Variants in ABCD2 observed in about 807,000 individuals in gnomAD.
ABCD2 encodes ATP binding cassette subfamily D member 2, also known as ATP-binding cassette sub-family D member 2.
Under a neutral mutation model 70.9 loss-of-function variants are expected in ABCD2, and 36 were observed. The ratio of observed to expected loss-of-function variants is 0.51; its 90% confidence interval spans 0.39 to 0.67. ABCD2 has a LOEUF of 0.67. Ranked by LOEUF, ABCD2 falls within the 30% of genes least tolerant of loss-of-function variation. ABCD2 has a pLI of 0.00. For missense variants in ABCD2, 729 were observed against 890.2 expected, an observed-to-expected ratio of 0.82 and a Z score of 2.30; for synonymous variants, 304 against 306.9, an observed-to-expected ratio of 0.99 and a Z score of 0.10.
chr12:39,582,601 G>A (rs1941611055), intron 7 of ABCD2, among the ~76,000 whole-genome samples: 1 of 152,098 alleles, frequency 6.6e-6, no homozygotes, highest in Non-Finnish European at 1.5e-5. Context: ...AGATAAACAT[G>A]TAGCATTTAT....
intron 8 of ABCD2, among the ~76,000 whole-genome samples, chr12:39,574,273 T>C (rs1157089829): frequency 6.6e-6 from 1 of 152,146 alleles, no homozygotes; most frequent in South Asian, 2.1e-4. Flanking sequence ...GAAGATTATT[T>C]TATCAGCAAT....
At chr12:39,549,883 G>A (rs896477371), downstream of ABCD2, 1 of 151,732 alleles carries the variant, frequency 6.6e-6, no homozygotes. Context: ...TATTAAATTA[G>A]CATTTTGTTT....
intron 9 of ABCD2, among the ~76,000 whole-genome samples, chr12:39,567,791 T>C (rs1379665710): frequency 6.6e-6 from 1 of 152,348 alleles, no homozygotes; most frequent in Admixed American, 6.5e-5. Context: ...GTTTAGTGCT[T>C]CCTTCAGGAG....
chr12:39,586,800 T>C (rs1294826422), intron 6 of ABCD2, among the ~76,000 whole-genome samples: 5 of 152,228 alleles, frequency 3.3e-5, no homozygotes, highest in Non-Finnish European at 5.9e-5. Flanking sequence ...TGACATATTA[T>C]ACAATTTGGG....
chr12:39,575,703 A>G (rs1322250276), intron 8 of ABCD2, among the ~76,000 whole-genome samples: 1 of 152,192 alleles, frequency 6.6e-6, no homozygotes, highest in Non-Finnish European at 1.5e-5. Flanking sequence ...GCAGTTTCCT[A>G]TTGTTAAACT....
chr12:39,538,790 G>GGGAAGACACCTACCCTGGCC, the ABCD2 span, among the ~76,000 whole-genome samples: 1 of 152,146 alleles, frequency 6.6e-6, no homozygotes, highest in Non-Finnish European at 1.5e-5. Flanking sequence ...GAGAGCCGGC[G>GGGAAGACACCTACCCTGGCC]GGAAGACACC....
intron 2 of ABCD2, among the ~76,000 whole-genome samples, chr12:39,609,971 T>A (rs909891111): frequency 4.6e-5 from 7 of 152,114 alleles, no homozygotes; most frequent in Admixed American, 2.0e-4. Context: ...TAAACAATTA[T>A]GTAGGGAAGC....
At chr12:39,582,987 A>G (rs773620655) in intron 7 of ABCD2, among the ~76,000 whole-genome samples, 3 of 151,960 alleles carry the variant, frequency 2.0e-5, no homozygotes, top group Non-Finnish European at 4.4e-5. Context: ...AGCCTCCCAA[A>G]TAGCTGAGAC....
chr12:39,618,189 A>C (rs1942142936), intron 1 of ABCD2, among the ~76,000 whole-genome samples: 1 of 152,164 alleles, frequency 6.6e-6, no homozygotes, highest in African/African-American at 2.4e-5. Flanking sequence ...TCAGACATGC[A>C]AAATTGTTAA....
Position 39,598,887 on chromosome 12 carries a change from A to G in ABCD2, c.1646+1684T>C, listed in dbSNP as rs190593221. On this transcript the variant is annotated intron_variant, in intron 6 of 9. Coordinates refer to ENST00000308666, the MANE Select transcript of ABCD2 (RefSeq NM_005164.4). ...ACTCTCAGTTTACATATGGATTTAA[A>G]TAAATTCTATGGTTTTTGCAAGGAT... 9.6e-4 allele frequency among the ~76,000 whole-genome samples: 146 copies of G among 152,342 alleles called. 2 individuals are homozygous for G. The highest frequency in any genetic ancestry group is 6.8e-3 in the Middle Eastern group (2 of 294).
At chr12:39,535,829 A>G in the ABCD2 span, among the ~76,000 whole-genome samples, 1 of 152,246 alleles carries the variant, frequency 6.6e-6, no homozygotes. Context: ...TATTGAAAGT[A>G]TAAATTAAAA....
intron 9 of ABCD2, among the ~76,000 whole-genome samples, chr12:39,556,928 A>C (rs983666585): frequency 1.3e-5 from 2 of 151,532 alleles, no homozygotes; most frequent in African/African-American, 4.9e-5. Flanking sequence ...TGTTGCAGTG[A>C]GCCAAGATCA....
intron 8 of ABCD2, among the ~76,000 whole-genome samples, chr12:39,575,598 G>C (rs757740797): frequency 7.2e-5 from 11 of 152,102 alleles, no homozygotes; most frequent in Non-Finnish European, 1.6e-4. Flanking sequence ...ATACTATTGT[G>C]ATGCTTAGTA....
intron 2 of ABCD2, among the ~76,000 whole-genome samples, chr12:39,611,597 A>C (rs1301033696): frequency 6.6e-6 from 1 of 152,132 alleles, no homozygotes; most frequent in African/African-American, 2.4e-5. Flanking sequence ...AAACCAAGGA[A>C]ATTTCTAGAA....
intron 9 of ABCD2, among the ~76,000 whole-genome samples, chr12:39,557,482 A>C (rs2120531264): frequency 6.6e-6 from 1 of 152,176 alleles, no homozygotes; most frequent in South Asian, 2.1e-4. Context: ...GAAAAGAAAA[A>C]CCCCTTTTCT....
At position 39,615,233 on chromosome 12, in the gene ABCD2, C is replaced by T. The variant is rs376058334; in HGVS notation, c.1120+1755G>A. ...TTAATAACACCAGTGTGTCCAAGCA[C>T]TGACTAACAAAACTACATCATAATC... On this transcript the variant is annotated intron_variant, in intron 2 of 9. Coordinates refer to ENST00000308666, the MANE Select transcript of ABCD2 (RefSeq NM_005164.4). Among the ~76,000 whole-genome samples the T allele has an allele frequency of 4.6e-5, 7 of 151,956 alleles. No individual in the cohort carries two copies. In the South Asian group the frequency reaches 8.3e-4, roughly 18 times the overall value.
At chr12:39,600,811 A>G in intron 5 of ABCD2, 95 bp from the exon 6 acceptor site, 1 of 1,190,842 alleles carries the variant, frequency 8.4e-7, no homozygotes, top group Non-Finnish European at 1.2e-6. Context: ...ATGTTCGAAA[A>G]CATGATAACC....
rs572090659 is a variant in ABCD2, at chr12:39,611,821, G to A, written c.1121-4107C>T. 3.9e-5 allele frequency among the ~76,000 whole-genome samples: 6 copies of A among 152,124 alleles called. No homozygotes were observed. In the South Asian group the frequency reaches 1.2e-3, roughly 32 times the overall value. The stretch of plus-strand genomic sequence containing the variant: ...TGTGTGTGTGTATGTGTATGTGTGT[G>A]TGTGTGGTGTGCATGTATATGATAT... On this transcript the variant is annotated intron_variant, in intron 2 of 9. Coordinates refer to ENST00000308666, the MANE Select transcript of ABCD2 (RefSeq NM_005164.4).
intron 7 of ABCD2, among the ~76,000 whole-genome samples, chr12:39,584,359 GTGT>G (rs1941637428): frequency 6.6e-6 from 1 of 152,050 alleles, no homozygotes; most frequent in Non-Finnish European, 1.5e-5. Flanking sequence ...CTTTGTAATG[GTGT>G]TGTTTGTTTT....
Sources: gnomAD v4.1 joint callset for allele counts (sites outside exome capture counted in the v4.1 genomes callset) on GRCh38, gnomAD v4.1.1 for gene constraint, MANE v1.5 for transcripts, NCBI Gene and HGNC (gene_info 2026-07-23, HGNC 2026-07-21) for gene names.